Variants in VPS13D observed in about 807,000 individuals in gnomAD.
The protein encoded by VPS13D is vacuolar protein sorting 13 homolog D, also known as intermembrane lipid transfer protein VPS13D.
VPS13D carries 187 observed loss-of-function variants against 461.9 expected under a neutral mutation model. The ratio of observed to expected loss-of-function variants is 0.40; its 90% confidence interval spans 0.36 to 0.46. VPS13D has a LOEUF of 0.46. Among genes scored for constraint, VPS13D ranks in the 20% least tolerant of loss-of-function variants. The pLI, the probability that VPS13D is intolerant of heterozygous loss-of-function variation, is 0.60. For missense variants in VPS13D, 4,711 were observed against 5,364.9 expected (o/e 0.88, Z 3.81); for synonymous variants, 1,951 against 1,986.3 (o/e 0.98, Z 0.47).
intron 13 of VPS13D, among the ~76,000 whole-genome samples, chr1:12,266,581 T>A (rs1456606099): frequency 6.6e-6 from 1 of 152,244 alleles, no homozygotes; most frequent in African/African-American, 2.4e-5. Flanking sequence ...CATAATGCTA[T>A]TGCACACTCA....
intron 68 of VPS13D, among the ~76,000 whole-genome samples, chr1:12,504,749 T>C (rs1646081889): frequency 6.6e-6 from 1 of 152,156 alleles, no homozygotes; most frequent in Non-Finnish European, 1.5e-5. Context: ...TCTGGCCTGA[T>C]GGAGGACTTG....
chr1:12,419,564 G>A (rs1269733027), intron 65 of VPS13D, among the ~76,000 whole-genome samples: 1 of 152,192 alleles, frequency 6.6e-6, no homozygotes, highest in Non-Finnish European at 1.5e-5. Flanking sequence ...TCACATGGCA[G>A]GAGTGGGAGC....
intron 57 of VPS13D, among the ~76,000 whole-genome samples, chr1:12,380,626 T>C (rs192964948): frequency 1.7e-3 from 261 of 152,310 alleles, no homozygotes; most frequent in Non-Finnish European, 2.3e-3. Flanking sequence ...TCTAGGAGGT[T>C]TGGACATGCA....
chr1:12,401,178 G>A (rs1256327295), intron 61 of VPS13D, among the ~76,000 whole-genome samples: 2 of 152,218 alleles, frequency 1.3e-5, no homozygotes, highest in Admixed American at 6.5e-5. Flanking sequence ...CTCTGGAAAA[G>A]TGGGAGCCAA....
intron 65 of VPS13D, among the ~76,000 whole-genome samples, chr1:12,447,243 A>G (rs990719806): frequency 1.3e-5 from 2 of 152,172 alleles, no homozygotes; most frequent in Non-Finnish European, 2.9e-5. Flanking sequence ...TTTTTCTACG[A>G]AGACAATAGC....
At position 12,358,459 on chromosome 1, in the gene VPS13D, C is replaced by G; in HGVS notation, c.9999C>G (p.Leu3333=). Residue 3333 remains leucine (L), a splice_region_variant and synonymous_variant, in exon 50 of 70, where the codon CTC becomes CTG. Transcript: ENST00000620676. ...FCYADKEQPN[L]CTMRIGRGIH... ...ACATCTTTGCTTTTCTGCCCCACAG[C>G]TGCACGATGAGAATCGGAAGGGGGA... 6.2e-7 allele frequency: 1 copy of G among 1,613,996 alleles called. No homozygotes were observed. Among genetic ancestry groups the G allele is most frequent in the Non-Finnish European group, 8.5e-7 (1 of 1,179,948 alleles).
chr1:12,302,493 AT>A (rs1355735145), intron 25 of VPS13D, among the ~76,000 whole-genome samples: 2 of 152,174 alleles, frequency 1.3e-5, no homozygotes, highest in Non-Finnish European at 1.5e-5. Context: ...AAGGGTTCCT[AT>A]TTTTTAAGTC....
At chr1:12,404,305 T>C (rs1442663052) in intron 63 of VPS13D, among the ~76,000 whole-genome samples, 1 of 152,200 alleles carries the variant, frequency 6.6e-6, no homozygotes, top group East Asian at 1.9e-4. Context: ...AAAAGCCTTT[T>C]TCCTAAAGTT....
intron 67 of VPS13D, among the ~76,000 whole-genome samples, chr1:12,479,142 G>C (rs1332713446): frequency 2.6e-5 from 4 of 152,252 alleles, no homozygotes; most frequent in Non-Finnish European, 5.9e-5. Flanking sequence ...AGCAAGGCCT[G>C]GAGTGGCCTG....
intron 36 of VPS13D, 40 bp from the exon 37 acceptor site, chr1:12,329,789 T>C (rs962339367): frequency 3.8e-6 from 6 of 1,579,480 alleles, no homozygotes; most frequent in Non-Finnish European, 4.4e-6. Flanking sequence ...TTTTGGTTGC[T>C]CCTGCCCTGC....
At chr1:12,499,645 A>G (rs540137797) in intron 68 of VPS13D, 2 of 985,466 alleles carry the variant, frequency 2.0e-6, no homozygotes, top group East Asian at 2.3e-4. Context: ...ATTGGCATGA[A>G]TGAATTTTGA....
chr1:12,359,650 A>G (rs1643921595), intron 50 of VPS13D, among the ~76,000 whole-genome samples: 1 of 152,226 alleles, frequency 6.6e-6, no homozygotes, highest in Non-Finnish European at 1.5e-5. Flanking sequence ...ATGGAGAATC[A>G]AAGATATGTT....
At position 12,505,413 on chromosome 1, in the gene VPS13D, T is replaced by C. The variant is rs1271721861; in HGVS notation, c.12795-1440T>C. ...GCTGCGGGTCTTTCTAATTTCAGCA[T>C]TGAGACTTTACAAGTCCACATTCTT... is the stretch of plus-strand genomic sequence containing the variant. On this transcript the variant is annotated intron_variant, in intron 68 of 69. Coordinates refer to ENST00000620676, the MANE Select transcript of VPS13D (RefSeq NM_015378.4). This position sits in a 1 kb window ranked among gnomAD's most constrained non-coding sequence, Gnocchi z 4.2. 6.6e-6 allele frequency among the ~76,000 whole-genome samples: 1 copy of C among 152,264 alleles called. No homozygotes were observed. The highest frequency in any genetic ancestry group is 1.5e-5 in the Non-Finnish European group (1 of 68,048).
rs1643736076 is a variant in VPS13D at position 12,348,934 on chromosome 1, C to T, written c.9181C>T (p.Pro3061Ser). 1 of 1,614,164 alleles carries T rather than the reference C, an allele frequency of 6.2e-7. No individual in the cohort carries two copies. ...CATTGTGAGGAACAGACTTGAGACA[C>T]CAATGGAACTAAGACTGGATAGCCC... The part of the protein sequence containing the change: ...ALIVRNRLET[P>S]MELRLDSPSA... The change falls in exon 45 of 70, where the codon CCA becomes TCA. Residue 3061 changes from proline to serine, a missense_variant. This residue lies in a region of VPS13D where 4,411 missense variants were observed against 4,937.8 expected (regional missense o/e 0.89). Transcript: ENST00000620676.
At chr1:12,236,898 C>T (rs912249227) in intron 2 of VPS13D, among the ~76,000 whole-genome samples, 9 of 152,086 alleles carry the variant, frequency 5.9e-5, no homozygotes, top group East Asian at 3.9e-4. Flanking sequence ...TTAACTATCT[C>T]GTAAGGTTCT....
chr1:12,432,418 C>T (rs1002474190), intron 65 of VPS13D, among the ~76,000 whole-genome samples: 4 of 150,686 alleles, frequency 2.7e-5, no homozygotes, highest in African/African-American at 9.8e-5. Flanking sequence ...AAGAAAAGAG[C>T]GAAAACATCT....
intron 65 of VPS13D, among the ~76,000 whole-genome samples, chr1:12,427,240 ATTTTAT>A (rs145045810): frequency 0.067 from 9,286 of 137,746 alleles, 395 homozygotes; most frequent in African/African-American, 0.13. Flanking sequence ...TATTGTCATT[ATTTTAT>A]TATTATTATT....
At chr1:12,481,666 G>T (rs1159158552) in intron 67 of VPS13D, among the ~76,000 whole-genome samples, 2 of 152,110 alleles carry the variant, frequency 1.3e-5, no homozygotes, top group African/African-American at 4.8e-5. Context: ...AGGGGGATGG[G>T]GAAAGGAGAA....
chr1:12,456,331 G>A (rs922864676), intron 66 of VPS13D, among the ~76,000 whole-genome samples: 1 of 151,474 alleles, frequency 6.6e-6, no homozygotes, highest in Non-Finnish European at 1.5e-5. Context: ...GTGAAACCCC[G>A]CCTCTACTAA....
Sources: gnomAD v4.1 joint callset for allele counts (sites outside exome capture counted in the v4.1 genomes callset) on GRCh38, gnomAD v4.1.1 for gene constraint, gnomAD v4.1.1 regional missense constraint, Gnocchi (gnomAD v3.1) non-coding constraint, MANE v1.5 for transcripts, NCBI Gene and HGNC (gene_info 2026-07-23, HGNC 2026-07-21) for gene names.